RBM41: variants seen among roughly 807,000 people sequenced by gnomAD.
The protein encoded by RBM41 is RNA binding motif protein 41, also known as RNA-binding protein 41.
A neutral mutation model predicts 30.8 loss-of-function variants in RBM41; 14 were observed. That is an observed-to-expected ratio of 0.45 (90% CI 0.30 to 0.71). RBM41 has a LOEUF of 0.71. RBM41 is among the 30% of genes least tolerant of loss of function. The pLI, the probability that RBM41 is intolerant of heterozygous loss-of-function variation, is 0.08. For missense variants in RBM41, 276 were observed against 326.3 expected (o/e 0.85, Z 1.19); for synonymous variants, 120 against 110.1 (o/e 1.09, Z -0.56).
At chrX:107,052,319 T>C in the RBM41 span, among the ~76,000 whole-genome samples, 8 of 111,131 alleles carry the variant, frequency 7.2e-5, no homozygotes, top group Non-Finnish European at 1.3e-4. Context: ...AGCATTTTAG[T>C]GAGCTCTCTG....
intron 5 of RBM41, among the ~76,000 whole-genome samples, chrX:107,106,841 G>T (rs1157874640): frequency 9.8e-6 from 1 of 101,969 alleles, no homozygotes; most frequent in Non-Finnish European, 2.0e-5. Flanking sequence ...GACACAGGAA[G>T]GGGAACATCA....
chrX:107,061,780 T>C (rs1386626949), downstream of RBM41, among the ~76,000 whole-genome samples: 3 of 111,613 alleles, frequency 2.7e-5, no homozygotes, highest in Non-Finnish European at 5.6e-5. Context: ...TGCTGACCTG[T>C]GGGCAGAAAA....
intron 2 of RBM41, 21 bp downstream of exon 2, chrX:107,116,629 G>A (rs1328857372): frequency 3.3e-6 from 4 of 1,205,514 alleles, no homozygotes; most frequent in East Asian, 3.0e-5. Context: ...GATACTCTCC[G>A]TTTGCAAAAT....
In RBM41 at chrX:107,118,798, C is replaced by T. The variant is rs1682057; in HGVS notation, c.-25G>A. On this transcript the variant is annotated 5_prime_UTR_variant, in exon 1 of 8. Coordinates refer to ENST00000685964, the MANE Select transcript of RBM41 (RefSeq NM_001324242.2). ...TGTTTCCACAGGCCCCTACCTCCAA[C>T]TTGGGTAAATAGGCCGCGGACCTCA... 1 of 1,209,953 alleles carries T rather than the reference C, an allele frequency of 8.3e-7. No individual in the cohort carries two copies.
At chrX:107,075,016 A>G (rs1012049951) in intron 6 of RBM41, among the ~76,000 whole-genome samples, 2 of 112,104 alleles carry the variant, frequency 1.8e-5, no homozygotes, top group African/African-American at 6.5e-5. Context: ...AACATATTAC[A>G]AAGCTACAGT....
At chrX:107,082,941 T>C (rs1439027239) in intron 6 of RBM41, among the ~76,000 whole-genome samples, 2 of 111,711 alleles carry the variant, frequency 1.8e-5, no homozygotes, top group Non-Finnish European at 3.8e-5. Context: ...TTCTAGATTG[T>C]TTTAAAATGA....
rs185123353 is a variant in RBM41 at position 107,118,367 on chromosome X, G to A, written c.8+399C>T. On this transcript the variant is annotated intron_variant, in intron 1 of 7. Coordinates refer to ENST00000685964, the MANE Select transcript of RBM41 (RefSeq NM_001324242.2). ...CGTTGCAAATAAATGCGCCCGCCCC[G>A]AGCCTTTCTCAGGTGGAGGTGGAGG... Among the ~76,000 whole-genome samples, 93 of 111,848 alleles carry A rather than the reference G, an allele frequency of 8.3e-4. No homozygotes were observed. The East Asian group carries it at 9.1e-3, about 11-fold the overall frequency.
chrX:107,068,555 G>A (rs1022747877), intron 7 of RBM41, among the ~76,000 whole-genome samples: 1 of 111,445 alleles, frequency 9.0e-6, no homozygotes, highest in Admixed American at 9.6e-5. Context: ...AAAACCTTCA[G>A]TATGATAGGA....
At chrX:107,060,936 C>CT (rs763637281), downstream of RBM41, among the ~76,000 whole-genome samples, 2 of 111,306 alleles carry the variant, frequency 1.8e-5, no homozygotes, top group Non-Finnish European at 3.8e-5. Context: ...ATACAATGCA[C>CT]TAAAAAGGGC....
intron 5 of RBM41, among the ~76,000 whole-genome samples, chrX:107,111,215 T>G (rs1339971802): frequency 1.8e-5 from 2 of 111,186 alleles, no homozygotes; most frequent in Admixed American, 9.6e-5. Flanking sequence ...AAACTTATTT[T>G]AAAAATGGAC....
At chrX:107,088,976 CA>C in intron 5 of RBM41, 137 bp from the exon 6 acceptor site, 1 of 890,718 alleles carries the variant, frequency 1.1e-6, no homozygotes, top group Admixed American at 3.7e-5. Context: ...TGACAAATGA[CA>C]ATGGTAAATA....
chrX:107,075,776 T>C (rs1936204197), intron 6 of RBM41, among the ~76,000 whole-genome samples: 1 of 111,882 alleles, frequency 8.9e-6, no homozygotes, highest in African/African-American at 3.2e-5. Context: ...TTGTGCACTG[T>C]TGATGGGAAT....
In RBM41 at chrX:107,063,952, CTT is replaced by C. The variant is rs1202676973; in HGVS notation, c.*3573_*3574del. Among the ~76,000 whole-genome samples, 6 of 90,887 alleles carry C rather than the reference CTT, an allele frequency of 6.6e-5. No individual in the cohort carries two copies. Among genetic ancestry groups the C allele is most frequent in the Non-Finnish European group, 8.7e-5 (4 of 45,735 alleles). 78.9% of individuals were successfully genotyped at this position (90,887 alleles called of 115,157 possible). ...AGGTTAGTGCTATGGTCTTTCTTTT[CTT>C]TTTTTTTTTTTTTTTGAGATGGAGT... On this transcript the variant is annotated 3_prime_UTR_variant, in exon 8 of 8. Coordinates refer to ENST00000685964, the MANE Select transcript of RBM41 (RefSeq NM_001324242.2).
chrX:107,057,299 T>A (rs1208226964), downstream of RBM41, among the ~76,000 whole-genome samples: 1 of 112,147 alleles, frequency 8.9e-6, no homozygotes, highest in East Asian at 2.8e-4. Context: ...AAAAAATAGA[T>A]GTTTGCACTT....
intron 6 of RBM41, among the ~76,000 whole-genome samples, chrX:107,080,587 GAAACAAAACAAAACA>G (rs200816405): frequency 9.4e-6 from 1 of 106,160 alleles, no homozygotes; most frequent in Non-Finnish European, 1.9e-5. Context: ...CTCAAAACAC[GAAACAAAACAAAACA>G]AAACAAAACA....
At position 107,065,579 on chromosome X, in the gene RBM41, T is replaced by G; in HGVS notation, c.*1948A>C. 2.7e-6 allele frequency: 1 copy of G among 366,416 alleles called. No homozygotes were observed. The highest frequency in any genetic ancestry group is 4.5e-6 in the Non-Finnish European group (1 of 222,930). 30.2% of individuals were successfully genotyped at this position (366,416 alleles called of 1,213,427 possible). On this transcript the variant is annotated 3_prime_UTR_variant, in exon 8 of 8. Transcript: ENST00000685964. The stretch of plus-strand genomic sequence containing the variant: ...CCCAACACACATTATTATAATTACT[T>G]AATATAATTTTACATCTTTAAAAGA...
chrX:107,117,692 G>C (rs1343597337), intron 1 of RBM41, among the ~76,000 whole-genome samples: 1 of 111,683 alleles, frequency 9.0e-6, no homozygotes, highest in African/African-American at 3.3e-5. Context: ...TACATGACTA[G>C]GAACATTTTG....
intron 6 of RBM41, among the ~76,000 whole-genome samples, chrX:107,076,119 C>T (rs1282028076): frequency 9.1e-6 from 1 of 109,570 alleles, no homozygotes; most frequent in African/African-American, 3.3e-5. Context: ...AGTTTGAGAC[C>T]AGCCTGGCCA....
chrX:107,082,815 T>C (rs1921658664), intron 6 of RBM41, among the ~76,000 whole-genome samples: 1 of 111,075 alleles, frequency 9.0e-6, no homozygotes, highest in Non-Finnish European at 1.9e-5. Flanking sequence ...AATTTGTATT[T>C]ATATATATAC....
Sources: gnomAD v4.1 joint callset for allele counts (sites outside exome capture counted in the v4.1 genomes callset) on GRCh38, gnomAD v4.1.1 for gene constraint, MANE v1.5 for transcripts, NCBI Gene and HGNC (gene_info 2026-07-23, HGNC 2026-07-21) for gene names.